Variants in INPP4B observed in about 807,000 individuals in gnomAD.
INPP4B encodes the protein inositol polyphosphate-4-phosphatase type II B.
In INPP4B, 55 loss-of-function variants were observed where a neutral mutation model predicts 122.5. That is an observed-to-expected ratio of 0.45 (90% CI 0.36 to 0.56). The LOEUF (loss-of-function observed/expected upper bound fraction) is 0.56. INPP4B is among the 20% of genes least tolerant of loss of function. The pLI is 0.00. For synonymous variants in INPP4B, 403 were observed against 388.7 expected (o/e 1.04, Z -0.43); for missense variants, 1,000 against 1,097.7 (o/e 0.91, Z 1.26).
At chr4:142,110,427 A>G (rs900740982) in intron 22 of INPP4B, among the ~76,000 whole-genome samples, 6 of 152,168 alleles carry the variant, frequency 3.9e-5, no homozygotes, top group African/African-American at 1.4e-4. Context: ...GTATTTATTT[A>G]TCTAAGAATG....
chr4:142,370,854 T>C (rs1789633463), intron 7 of INPP4B, among the ~76,000 whole-genome samples: 1 of 152,024 alleles, frequency 6.6e-6, no homozygotes, highest in Non-Finnish European at 1.5e-5. Context: ...ATAATCATAT[T>C]ACCCAAAGCA....
At chr4:142,533,062 G>C (rs1453780316) in intron 2 of INPP4B, among the ~76,000 whole-genome samples, 1 of 152,148 alleles carries the variant, frequency 6.6e-6, no homozygotes, top group East Asian at 1.9e-4. Flanking sequence ...GTTAAAATAA[G>C]TGAATCAGAA....
At chr4:142,689,314 C>A (rs1759817071) in intron 2 of INPP4B, among the ~76,000 whole-genome samples, 1 of 152,084 alleles carries the variant, frequency 6.6e-6, no homozygotes, top group Non-Finnish European at 1.5e-5. Flanking sequence ...CCTTGTATCT[C>A]CACTACAAAG....
At chr4:142,150,070 C>T (rs1326400642) in intron 17 of INPP4B, among the ~76,000 whole-genome samples, 1 of 152,168 alleles carries the variant, frequency 6.6e-6, no homozygotes, top group Non-Finnish European at 1.5e-5. Context: ...TGAAAACATA[C>T]ACAGAGGAAA....
Position 142,086,177 on chromosome 4 carries a change from T to C in INPP4B, c.2454A>G (p.Arg818=), listed in dbSNP as rs186994777. The C allele has an allele frequency of 2.5e-6, 4 of 1,601,234 alleles. No homozygotes were observed. The highest frequency in any genetic ancestry group is 2.2e-5 in the East Asian group (1 of 44,752). The part of the protein sequence containing the change: ...NLLQNIQSKK[R]KNVEIMWLAA... ...CCAGCCACATAATTTCTACATTCTT[T>C]CTTTTTTTGGATTGGATATTTTGAA... Residue 818 remains arginine, a synonymous_variant, in exon 24 of 26, where the codon AGA becomes AGG. Coordinates refer to ENST00000262992, the MANE Select transcript of INPP4B (RefSeq NM_001101669.3).
chr4:142,705,458 AACACACACACAC>A (rs56300337), intron 2 of INPP4B, among the ~76,000 whole-genome samples: 4 of 146,204 alleles, frequency 2.7e-5, no homozygotes, highest in Non-Finnish European at 4.5e-5. Flanking sequence ...TCCCACCCCA[AACACACACACAC>A]ACACACACAC....
At chr4:142,727,658 A>G (rs916149475) in intron 1 of INPP4B, among the ~76,000 whole-genome samples, 1 of 152,142 alleles carries the variant, frequency 6.6e-6, no homozygotes, top group Non-Finnish European at 1.5e-5. Flanking sequence ...AGGTGGGAGG[A>G]TTGCTTGAGC....
chr4:142,398,445 T>TATATATATAA (rs749321202), intron 7 of INPP4B, among the ~76,000 whole-genome samples: 3 of 74,556 alleles, frequency 4.0e-5, no homozygotes, highest in African/African-American at 1.4e-4. Flanking sequence ...TATATATATA[T>TATATATATAA]AAAACATATT....
chr4:142,486,110 G>A (rs1412732552), intron 2 of INPP4B, among the ~76,000 whole-genome samples: 1 of 152,104 alleles, frequency 6.6e-6, no homozygotes, highest in South Asian at 2.1e-4. Flanking sequence ...CTAGATCCCT[G>A]TGTGACTATA....
chr4:142,498,110 T>TGTAA (rs200236686), intron 2 of INPP4B, among the ~76,000 whole-genome samples: 1 of 96,086 alleles, frequency 1.0e-5, no homozygotes. Flanking sequence ...TGTGTGTGTG[T>TGTAA]ATATATATAT....
intron 2 of INPP4B, among the ~76,000 whole-genome samples, chr4:142,685,122 T>C (rs897862502): frequency 3.9e-5 from 6 of 152,086 alleles, no homozygotes; most frequent in Non-Finnish European, 7.4e-5. Flanking sequence ...CAGTGATATA[T>C]CAAAGGAATG....
chr4:142,782,692 A>T (rs1195250774), intron 1 of INPP4B, among the ~76,000 whole-genome samples: 1 of 151,970 alleles, frequency 6.6e-6, no homozygotes. Flanking sequence ...GTGTGAGATG[A>T]TATCTCATTG....
intron 1 of INPP4B, among the ~76,000 whole-genome samples, chr4:142,747,831 G>A (rs1377879466): frequency 2.0e-5 from 3 of 151,936 alleles, no homozygotes; most frequent in African/African-American, 4.8e-5. Flanking sequence ...AAGAACACAG[G>A]GATGCAGGAA....
At chr4:142,138,261 T>G (rs1805726538) in intron 18 of INPP4B, among the ~76,000 whole-genome samples, 1 of 151,380 alleles carries the variant, frequency 6.6e-6, no homozygotes, top group Non-Finnish European at 1.5e-5. Context: ...CTGGAAATCA[T>G]CATTCTCAGT....
intron 5 of INPP4B, among the ~76,000 whole-genome samples, chr4:142,423,413 C>T (rs746619518): frequency 6.6e-6 from 1 of 151,788 alleles, no homozygotes; most frequent in East Asian, 1.9e-4. Context: ...ATGATTTTAT[C>T]TTTTTTTTCC....
At chr4:142,329,371 A>G (rs1201667861) in intron 7 of INPP4B, among the ~76,000 whole-genome samples, 1 of 140,586 alleles carries the variant, frequency 7.1e-6, no homozygotes, top group Non-Finnish European at 1.6e-5. Context: ...TGAAAAACCA[A>G]AGAGAAAAAA....
At chr4:142,653,910 C>T (rs925962589) in intron 2 of INPP4B, among the ~76,000 whole-genome samples, 40 of 152,164 alleles carry the variant, frequency 2.6e-4, no homozygotes, top group Non-Finnish European at 4.3e-4. Flanking sequence ...ACTATAAAGA[C>T]ACATGCACAC....
At chr4:142,593,242 C>A (rs541467242) in intron 2 of INPP4B, among the ~76,000 whole-genome samples, 11 of 151,984 alleles carry the variant, frequency 7.2e-5, no homozygotes, top group Middle Eastern at 6.8e-3. Flanking sequence ...GAAGTTTAAT[C>A]CTCACAGATG....
intron 7 of INPP4B, among the ~76,000 whole-genome samples, chr4:142,397,081 T>C (rs1182162554): frequency 1.3e-5 from 2 of 152,214 alleles, no homozygotes; most frequent in Non-Finnish European, 2.9e-5. Flanking sequence ...ATATAAATTA[T>C]ATCTCAATTT....
Sources: gnomAD v4.1 joint callset for allele counts (sites outside exome capture counted in the v4.1 genomes callset) on GRCh38, gnomAD v4.1.1 for gene constraint, MANE v1.5 for transcripts, NCBI Gene and HGNC (gene_info 2026-07-23, HGNC 2026-07-21) for gene names.